FBXL17: variants seen among roughly 807,000 people sequenced by gnomAD.
FBXL17 encodes the protein F-box/LRR-repeat protein 17.
FBXL17 carries 22 observed loss-of-function variants against 66.2 expected under a neutral mutation model. That is an observed-to-expected ratio of 0.33 (90% CI 0.24 to 0.47). FBXL17 has a LOEUF of 0.47. Among genes scored for constraint, FBXL17 ranks in the 20% least tolerant of loss-of-function variants. The pLI, the probability that FBXL17 is intolerant of heterozygous loss-of-function variation, is 1.00. For missense variants in FBXL17, 878 were observed against 948.2 expected (o/e 0.93, Z 0.97); for synonymous variants, 474 against 400.5 (o/e 1.18, Z -2.19).
intron 4 of FBXL17, among the ~76,000 whole-genome samples, chr5:108,319,474 A>G (rs1017590487): frequency 6.6e-6 from 1 of 151,868 alleles, no homozygotes; most frequent in South Asian, 2.1e-4. Context: ...CAAAAAAACA[A>G]TATTTTTCAA....
chr5:108,088,690 G>A (rs1043756022), intron 6 of FBXL17, among the ~76,000 whole-genome samples: 6 of 105,980 alleles, frequency 5.7e-5, no homozygotes, highest in Non-Finnish European at 8.5e-5. Context: ...GACAGAGCGA[G>A]ACTCTATCTC....
chr5:108,329,914 T>C (rs1446699990), intron 4 of FBXL17, among the ~76,000 whole-genome samples: 2 of 152,054 alleles, frequency 1.3e-5, no homozygotes, highest in African/African-American at 4.8e-5. Context: ...GATAGGTAAA[T>C]ACAACATAAT....
chr5:107,943,290 T>C (rs1234130817), intron 7 of FBXL17, among the ~76,000 whole-genome samples: 1 of 152,138 alleles, frequency 6.6e-6, no homozygotes, highest in African/African-American at 2.4e-5. Flanking sequence ...CATCCTGTTT[T>C]CTTAGCTCCC....
At chr5:108,265,419 T>C (rs982014978) in intron 4 of FBXL17, among the ~76,000 whole-genome samples, 12 of 152,134 alleles carry the variant, frequency 7.9e-5, no homozygotes, top group Non-Finnish European at 1.8e-4. Flanking sequence ...CTTACTGTTC[T>C]CAACAATTCC....
At chr5:108,186,369 G>T in intron 5 of FBXL17, 122 bp from the exon 6 acceptor site, 1 of 707,734 alleles carries the variant, frequency 1.4e-6, no homozygotes, top group Non-Finnish European at 2.2e-6. Context: ...AGATAGGCTA[G>T]AATCTTTTAA....
At chr5:107,979,664 T>A (rs1248393572) in intron 7 of FBXL17, among the ~76,000 whole-genome samples, 4 of 152,166 alleles carry the variant, frequency 2.6e-5, no homozygotes, top group African/African-American at 9.7e-5. Flanking sequence ...AAAAAGAGTA[T>A]GAATCTATTA....
At chr5:108,124,389 C>T (rs1241761713) in intron 6 of FBXL17, among the ~76,000 whole-genome samples, 1 of 151,820 alleles carries the variant, frequency 6.6e-6, no homozygotes, top group Non-Finnish European at 1.5e-5. Flanking sequence ...CACTTCTGGG[C>T]CTCAGTTTCT....
intron 6 of FBXL17, among the ~76,000 whole-genome samples, chr5:108,049,188 G>C (rs1457817852): frequency 1.3e-5 from 2 of 151,878 alleles, no homozygotes; most frequent in African/African-American, 2.4e-5. Context: ...TCTTGCCCAG[G>C]CTGGAGTGCA....
At chr5:108,034,843 C>T (rs973130684) in intron 6 of FBXL17, among the ~76,000 whole-genome samples, 2 of 152,148 alleles carry the variant, frequency 1.3e-5, no homozygotes, top group Admixed American at 1.3e-4. Context: ...ATATAATTTT[C>T]AGAATATTCA....
At chr5:108,348,601 T>C (rs951218594) in intron 3 of FBXL17, 71 bp from the exon 4 acceptor site, 1 of 1,507,260 alleles carries the variant, frequency 6.6e-7, no homozygotes. Context: ...GAGATTTTCA[T>C]ATAATTTTTT....
At chr5:108,072,097 T>G (rs1748356732) in intron 6 of FBXL17, among the ~76,000 whole-genome samples, 1 of 152,178 alleles carries the variant, frequency 6.6e-6, no homozygotes, top group African/African-American at 2.4e-5. Flanking sequence ...TACTTCACTT[T>G]GCCTGAATGA....
At chr5:107,877,087 C>A (rs1403551454) in intron 8 of FBXL17, among the ~76,000 whole-genome samples, 1 of 152,192 alleles carries the variant, frequency 6.6e-6, no homozygotes, top group African/African-American at 2.4e-5. Flanking sequence ...TTGGTTCTTA[C>A]AATGCACTAA....
rs547683862 is a variant in FBXL17, at chr5:108,374,036, G to C, written c.994-6083C>G. On this transcript the variant is annotated intron_variant, in intron 1 of 8. Transcript: ENST00000542267. ...TACACAGATTGAGAGTAAAAGCATG[G>C]AACAATACATATAGCAAAAACTGAC... is the stretch of plus-strand genomic sequence containing the variant. Among the ~76,000 whole-genome samples the C allele has an allele frequency of 5.3e-4, 80 of 152,176 alleles. 1 individual carries two copies. The highest frequency in any genetic ancestry group is 9.4e-4 in the Non-Finnish European group (64 of 67,994).
intron 4 of FBXL17, among the ~76,000 whole-genome samples, chr5:108,240,509 C>A (rs917154705): frequency 3.3e-5 from 5 of 152,146 alleles, no homozygotes; most frequent in African/African-American, 1.2e-4. Context: ...GAAAAACTAT[C>A]TTGTGGCTTG....
chr5:108,135,892 T>C lies in FBXL17; in HGVS notation c.1745+50225A>G, dbSNP rs540135333. Among the ~76,000 whole-genome samples, 42 of 152,186 alleles carry C rather than the reference T, an allele frequency of 2.8e-4. No individual in the cohort carries two copies. The South Asian group carries it at 8.7e-3, about 32-fold the overall frequency. ...ATCAGAATGGAGGCAAAGAAGTAAG[T>C]TCTAAAATATTCATCTCTTCCTCAC... On this transcript the variant is annotated intron_variant, in intron 6 of 8. Transcript: ENST00000542267.
At chr5:108,053,718 C>A (rs1287995959) in intron 6 of FBXL17, among the ~76,000 whole-genome samples, 1 of 152,302 alleles carries the variant, frequency 6.6e-6, no homozygotes, top group East Asian at 1.9e-4. Flanking sequence ...CCTCAAGGAT[C>A]TAGAACCAGA....
intron 3 of FBXL17, 90 bp from the exon 4 acceptor site, chr5:108,348,620 C>A: frequency 7.4e-7 from 1 of 1,358,912 alleles, no homozygotes; most frequent in Non-Finnish European, 1.0e-6. Flanking sequence ...TTGAAAATAA[C>A]CACGTCAGAG....
intron 5 of FBXL17, among the ~76,000 whole-genome samples, chr5:108,221,645 A>C (rs1382611625): frequency 6.6e-6 from 1 of 152,144 alleles, no homozygotes; most frequent in Non-Finnish European, 1.5e-5. Context: ...CATCCTCTTG[A>C]TTATTTATTA....
At chr5:108,190,674 CTT>C (rs5870306) in intron 5 of FBXL17, among the ~76,000 whole-genome samples, 6,663 of 152,230 alleles carry the variant, frequency 0.044, 808 homozygotes, top group East Asian at 0.41. Context: ...GTCAAGTTCT[CTT>C]GTTTTTGATT....
Sources: gnomAD v4.1 joint callset for allele counts (sites outside exome capture counted in the v4.1 genomes callset) on GRCh38, gnomAD v4.1.1 for gene constraint, MANE v1.5 for transcripts, NCBI Gene and HGNC (gene_info 2026-07-23, HGNC 2026-07-21) for gene names.